TENM3: variants seen among roughly 807,000 people sequenced by gnomAD.
TENM3 encodes the protein teneurin-3.
Under a neutral mutation model 255.1 loss-of-function variants are expected in TENM3, and 63 were observed. That is an observed-to-expected ratio of 0.25 (90% CI 0.20 to 0.30). The LOEUF (loss-of-function observed/expected upper bound fraction) is 0.30, where lower values mean the gene tolerates loss of function less well. Ranked by LOEUF, TENM3 falls within the 10% of genes least tolerant of loss-of-function variation. The pLI is 1.00. For missense variants in TENM3, 2,929 were observed against 3,461.1 expected, an observed-to-expected ratio of 0.85 and a Z score of 3.86; for synonymous variants, 1,306 against 1,322.3, an observed-to-expected ratio of 0.99 and a Z score of 0.27.
chr4:182,701,749 G>A lies in TENM3; in HGVS notation c.2222-12338G>A, dbSNP rs990722490. ...AACCGCATAGCAAAAGTCTAGATAT[G>A]CAATTATGACTACATGTTTGTGTGC... On this transcript the variant is annotated intron_variant, in intron 12 of 27. Transcript: ENST00000511685. Among the ~76,000 whole-genome samples the A allele has an allele frequency of 5.3e-5, 8 of 152,282 alleles. No homozygotes were observed. The East Asian group carries it at 1.4e-3, about 26-fold the overall frequency.
At chr4:182,016,199 C>T in the TENM3 span, among the ~76,000 whole-genome samples, 1 of 152,106 alleles carries the variant, frequency 6.6e-6, no homozygotes, top group Non-Finnish European at 1.5e-5. Context: ...CTCTATCACA[C>T]GAAACATTGT....
At chr4:182,146,252 A>C (rs1463767520) in intron 1 of TENM3, among the ~76,000 whole-genome samples, 1 of 152,348 alleles carries the variant, frequency 6.6e-6, no homozygotes, top group Non-Finnish European at 1.5e-5. Flanking sequence ...ATTATCTAAA[A>C]CTTCGAGCAT....
At chr4:182,400,281 T>C (rs1769135475) in intron 3 of TENM3, among the ~76,000 whole-genome samples, 1 of 152,220 alleles carries the variant, frequency 6.6e-6, no homozygotes, top group Admixed American at 6.5e-5. Flanking sequence ...AAATTTTCTC[T>C]ACTGAAATTC....
the TENM3 span, among the ~76,000 whole-genome samples, chr4:182,117,394 A>T: frequency 1.3e-5 from 2 of 152,152 alleles, no homozygotes. Context: ...AAGGTCACTG[A>T]GATTTTCTCT....
At chr4:181,794,936 C>T in the TENM3 span, among the ~76,000 whole-genome samples, 3 of 152,070 alleles carry the variant, frequency 2.0e-5, no homozygotes, top group Admixed American at 2.0e-4. Context: ...TGCATCAGTC[C>T]AGAAATTCAC....
the TENM3 span, among the ~76,000 whole-genome samples, chr4:181,833,964 A>G: frequency 6.6e-6 from 1 of 152,160 alleles, no homozygotes; most frequent in Non-Finnish European, 1.5e-5. Context: ...AGGCAACTCC[A>G]ACTTGGAGAA....
chr4:182,131,838 A>G, the TENM3 span, among the ~76,000 whole-genome samples: 2 of 152,208 alleles, frequency 1.3e-5, no homozygotes, highest in African/African-American at 4.8e-5. Context: ...GTTCTAGTGG[A>G]CAGTTTTTCA....
the TENM3 span, among the ~76,000 whole-genome samples, chr4:181,886,443 A>G: frequency 6.6e-6 from 1 of 152,210 alleles, no homozygotes; most frequent in African/African-American, 2.4e-5. Flanking sequence ...TTAATTTGGA[A>G]GCAAACTTTT....
chr4:181,718,859 G>C, the TENM3 span, among the ~76,000 whole-genome samples: 1 of 152,156 alleles, frequency 6.6e-6, no homozygotes, highest in Non-Finnish European at 1.5e-5. Context: ...TAAAGGTCCA[G>C]TAAAACAGAC....
At chr4:181,510,963 CT>C in the TENM3 span, among the ~76,000 whole-genome samples, 1 of 152,158 alleles carries the variant, frequency 6.6e-6, no homozygotes, top group Non-Finnish European at 1.5e-5. Flanking sequence ...TTTATTCCCC[CT>C]TTTGGTAAGA....
chr4:181,832,290 A>G, the TENM3 span, among the ~76,000 whole-genome samples: 5 of 152,154 alleles, frequency 3.3e-5, no homozygotes, highest in African/African-American at 1.2e-4. Flanking sequence ...GGAGACTTGC[A>G]ATGTGGCCAA....
At chr4:182,738,726 T>G (rs527440053) in intron 18 of TENM3, among the ~76,000 whole-genome samples, 182 bp downstream of exon 18, 1 of 152,336 alleles carries the variant, frequency 6.6e-6, no homozygotes, top group Non-Finnish European at 1.5e-5. Flanking sequence ...AAGTGGGAAC[T>G]GTATAATACT....
At position 182,307,222 on chromosome 4, in the gene TENM3, T is replaced by C. The variant is rs368672534; in HGVS notation, c.-75-16724T>C. ...GAATGCAGCCTGGACTGATGAAAAC[T>C]AGCAATCATTACTACTTGGTGACCC... On this transcript the variant is annotated intron_variant, in intron 1 of 27. Transcript: ENST00000511685. Among the ~76,000 whole-genome samples, 44 of 152,300 alleles carry C rather than the reference T, an allele frequency of 2.9e-4. No homozygotes were observed. The South Asian group carries it at 9.1e-3, about 32-fold the overall frequency.
At chr4:181,540,682 A>T in the TENM3 span, among the ~76,000 whole-genome samples, 7 of 152,294 alleles carry the variant, frequency 4.6e-5, no homozygotes, top group East Asian at 1.4e-3. Context: ...CTGAATCCCC[A>T]TAGTGAGACA....
chr4:182,079,503 A>C, the TENM3 span: 1 of 152,252 alleles, frequency 6.6e-6, no homozygotes, highest in African/African-American at 2.4e-5. Flanking sequence ...GTGACAGAGC[A>C]AGAGAAAAAA....
chr4:182,157,402 G>A lies in TENM3; in HGVS notation c.-76+12648G>A, dbSNP rs576016285. Among the ~76,000 whole-genome samples the A allele has an allele frequency of 7.9e-5, 12 of 152,324 alleles. No homozygotes were observed. In the South Asian group the frequency reaches 2.3e-3, roughly 29 times the overall value. On this transcript the variant is annotated intron_variant, in intron 1 of 2. Transcript: ENST00000512480. ...GCACGCTTGCCCACAAAAACCCCCT[G>A]TGAAGGCAGAGACCCTTCTTCCCTG...
intron 1 of TENM3, among the ~76,000 whole-genome samples, chr4:182,298,045 C>G (rs192560327): frequency 5.3e-5 from 8 of 152,220 alleles, no homozygotes; most frequent in Non-Finnish European, 8.8e-5. Context: ...TTACGTTGAA[C>G]GTCACCTCCT....
chr4:181,531,358 C>A, the TENM3 span, among the ~76,000 whole-genome samples: 2 of 152,170 alleles, frequency 1.3e-5, no homozygotes, highest in East Asian at 1.9e-4. Context: ...TTCCTCAATT[C>A]TTGGCTTAGC....
chr4:181,996,044 T>C, the TENM3 span, among the ~76,000 whole-genome samples: 7 of 151,172 alleles, frequency 4.6e-5, no homozygotes, highest in East Asian at 1.2e-3. Context: ...CCAGAGAAGA[T>C]GATGGTGGAT....
Sources: gnomAD v4.1 joint callset for allele counts (sites outside exome capture counted in the v4.1 genomes callset) on GRCh38, gnomAD v4.1.1 for gene constraint, MANE v1.5 for transcripts, NCBI Gene and HGNC (gene_info 2026-07-23, HGNC 2026-07-21) for gene names.